MED15: variants seen among roughly 807,000 people sequenced by gnomAD.
The protein encoded by MED15 is mediator of RNA polymerase II transcription subunit 15.
A neutral mutation model predicts 118.7 loss-of-function variants in MED15; 41 were observed. The observed-to-expected ratio is 0.35, with a 90% confidence interval of 0.27 to 0.45. The LOEUF is 0.45. MED15 is among the 20% of genes least tolerant of loss of function. The probability of loss-of-function intolerance (pLI) is 1.00; values close to 1 mark genes in which losing one functional copy is unlikely to be tolerated. For missense variants in MED15, 740 were observed against 1,025.5 expected (o/e 0.72, Z 3.80); for synonymous variants, 436 against 413.9 (o/e 1.05, Z -0.65).
At position 20,586,589 on chromosome 22, in the gene MED15, C is replaced by T. The variant is rs371860906; in HGVS notation, c.2252C>T (p.Ser751Leu). The T allele has an allele frequency of 1.9e-4, 308 of 1,612,858 alleles. 3 individuals carry two copies. In the South Asian group the frequency reaches 3.1e-3, roughly 16 times the overall value. ...WQYDANPFLQ[S>L]VHRCMTSRLL... Reference sequence around the variant, plus strand: ...GCAGACGCCAACCCCTTCCTCCAGTCGGTGCACCGCTGCATGACCTCCAGG... The same window carrying T: ...GCAGACGCCAACCCCTTCCTCCAGTTGGTGCACCGCTGCATGACCTCCAGG... Residue 751 changes from serine (S) to leucine (L), a missense_variant, in exon 18 of 18, where the codon TCG becomes TTG. Physicochemically the swap from Ser to Leu is moderately radical, Grantham distance 145. Around this residue, in one of 7 missense-constraint regions of MED15, gnomAD observed 179 missense variants for 259.0 expected, o/e 0.69. Transcript: ENST00000263205.
At chr22:20,582,386 G>A in intron 9 of MED15, 1 of 656,662 alleles carries the variant, frequency 1.5e-6, no homozygotes, top group South Asian at 2.0e-5. Flanking sequence ...CAAGGAGCAA[G>A]GGCTGCCCTG....
chr22:20,567,355 G>A (rs980152338), intron 7 of MED15, among the ~76,000 whole-genome samples: 2 of 152,160 alleles, frequency 1.3e-5, no homozygotes, highest in Admixed American at 6.5e-5. Flanking sequence ...AGTCTACTCA[G>A]TGACAGGCAC....
intron 1 of MED15, chr22:20,522,216 T>C (rs2054488287): frequency 6.6e-6 from 1 of 152,178 alleles, no homozygotes; most frequent in African/African-American, 2.4e-5. Flanking sequence ...ACCTAGAAGT[T>C]AAATAAAGGA....
rs67794727 is a variant in MED15, at chr22:20,559,375, AT to A, written c.451+4228del. Among the ~76,000 whole-genome samples the A allele has an allele frequency of 7.1e-3, 1,088 of 152,338 alleles. 18 individuals carry two copies. Among genetic ancestry groups the A allele is most frequent in the African/African-American group, 0.024 (989 of 41,572 alleles). ...GCTACATTTGAAGAAATTATCTAGA[AT>A]GTAGCACAGAGAAGAGCACATGGAA... On this transcript the variant is annotated intron_variant, in intron 5 of 17. Transcript: ENST00000263205.
intron 9 of MED15, among the ~76,000 whole-genome samples, chr22:20,575,918 G>A (rs1379897818): frequency 6.6e-6 from 1 of 152,186 alleles, no homozygotes; most frequent in African/African-American, 2.4e-5. Context: ...CGTGGCCAAT[G>A]TGGCCAAAGT....
chr22:20,570,742 CTTTCTTTTTTTTTTTTTT>C (rs2056625764), intron 8 of MED15, among the ~76,000 whole-genome samples: 1 of 81,222 alleles, frequency 1.2e-5, no homozygotes. Context: ...TTCTTTCTTT[CTTTCTTTTTTTTTTTTTT>C]TTTTTTTTTT....
chr22:20,566,425 G>T, intron 6 of MED15, 42 bp from the exon 7 acceptor site: 1 of 1,602,162 alleles, frequency 6.2e-7, no homozygotes. Flanking sequence ...GTGCCACAGA[G>T]GCAGATGAGT....
intron 1 of MED15, among the ~76,000 whole-genome samples, chr22:20,518,638 C>T (rs1265548468): frequency 1.3e-5 from 2 of 152,176 alleles, no homozygotes; most frequent in African/African-American, 2.4e-5. Context: ...GGGACCTGGA[C>T]TCATAGCTCT....
chr22:20,566,255 G>A (rs976885341), intron 6 of MED15, among the ~76,000 whole-genome samples: 1 of 152,016 alleles, frequency 6.6e-6, no homozygotes, highest in African/African-American at 2.4e-5. Flanking sequence ...GTCCAGGCTG[G>A]TCTCGAACTC....
intron 8 of MED15, among the ~76,000 whole-genome samples, chr22:20,571,342 A>G (rs1425200623): frequency 1.3e-5 from 2 of 152,210 alleles, no homozygotes; most frequent in Non-Finnish European, 2.9e-5. Flanking sequence ...TGGCACAGGA[A>G]GGAGGATGGA....
intron 1 of MED15, among the ~76,000 whole-genome samples, chr22:20,513,458 T>C (rs2054148573): frequency 2.0e-5 from 3 of 151,974 alleles, no homozygotes; most frequent in Non-Finnish European, 4.4e-5. Context: ...TTTGTATTTT[T>C]AGTAGAGACG....
intron 5 of MED15, 57 bp from the exon 6 acceptor site, chr22:20,564,393 G>A (rs546196497): frequency 1.6e-5 from 25 of 1,602,062 alleles, no homozygotes; most frequent in South Asian, 2.2e-5. Context: ...GTGCAGCCCT[G>A]CAGCGTTTCT....
chr22:20,552,947 C>G (rs1881589792), intron 3 of MED15, 198 bp from the exon 4 acceptor site: 1 of 572,540 alleles, frequency 1.7e-6, no homozygotes, highest in Non-Finnish European at 3.1e-6. Context: ...TGGAGCTACT[C>G]TGCACCCTCT....
At chr22:20,511,738 AT>A (rs1283564065) in intron 1 of MED15, among the ~76,000 whole-genome samples, 4 of 151,886 alleles carry the variant, frequency 2.6e-5, no homozygotes, top group African/African-American at 4.8e-5. Context: ...ATCTGGGCCC[AT>A]TCTGGGCTGT....
intron 1 of MED15, 68 bp downstream of exon 1, chr22:20,507,814 G>C: frequency 6.3e-7 from 1 of 1,598,070 alleles, no homozygotes; most frequent in African/African-American, 1.3e-5. Flanking sequence ...GGCGAGGCCA[G>C]GGCCGGACCC....
intron 1 of MED15, among the ~76,000 whole-genome samples, chr22:20,517,212 C>T (rs188373070): frequency 6.6e-6 from 1 of 152,096 alleles, no homozygotes; most frequent in African/African-American, 2.4e-5. Context: ...TGTTGGATTA[C>T]AGGCATGAGC....
Position 20,582,668 on chromosome 22 carries a change from A to G in MED15, c.1330A>G (p.Thr444Ala). 1 of 1,594,220 alleles carries G rather than the reference A, an allele frequency of 6.3e-7. No homozygotes were observed. Among genetic ancestry groups the G allele is most frequent in the Non-Finnish European group, 8.5e-7 (1 of 1,176,854 alleles). ...SSPSPGQQVQ[T>A]PQSMPPPPQP... ...GCCGTCACCGGGCCAGCAGGTGCAG[A>G]CCCCGCAGTCGATGCCCCCTCCCCC... Residue 444 changes from threonine to alanine, a missense_variant, in exon 10 of 18, where the codon ACC (threonine) becomes GCC (alanine). Thr to Ala is a moderately conservative substitution (Grantham distance 58). This residue lies in a region of MED15 where 384 missense variants were observed against 506.3 expected (regional missense o/e 0.76). Transcript: ENST00000263205.
intron 1 of MED15, among the ~76,000 whole-genome samples, chr22:20,534,539 AAG>A (rs1370949263): frequency 6.6e-6 from 1 of 152,086 alleles, no homozygotes; most frequent in Non-Finnish European, 1.5e-5. Flanking sequence ...AAAGAAGAAA[AAG>A]AAAAAAGGAA....
At chr22:20,542,500 A>C (rs1449936846) in intron 2 of MED15, among the ~76,000 whole-genome samples, 2 of 152,212 alleles carry the variant, frequency 1.3e-5, no homozygotes, top group Non-Finnish European at 2.9e-5. Context: ...AAATGTCCAG[A>C]GAATACGAAG....
Sources: allele counts gnomAD v4.1 joint callset (sites outside exome capture counted in the v4.1 genomes callset), GRCh38; gene constraint gnomAD v4.1.1; regional missense constraint gnomAD v4.1.1; transcripts MANE v1.5; gene names NCBI Gene and HGNC (gene_info 2026-07-23, HGNC 2026-07-21).